The following KLF12 variants were observed in gnomAD, a reference collection of about 807,000 sequenced individuals.
KLF12 encodes the protein KLF transcription factor 12, also known as Krueppel-like factor 12.
A neutral mutation model predicts 37.8 loss-of-function variants in KLF12; 9 were observed. The observed-to-expected ratio is 0.24, with a 90% CI of 0.14 to 0.42. The LOEUF is 0.42. Ranked by LOEUF, KLF12 falls within the 10% of genes least tolerant of loss-of-function variation. The pLI, the probability that KLF12 is intolerant of heterozygous loss-of-function variation, is 1.00. For synonymous variants in KLF12, 208 were observed against 202.1 expected, an observed-to-expected ratio of 1.03 and a Z score of -0.25; for missense variants, 411 against 516.0, an observed-to-expected ratio of 0.80 and a Z score of 1.97.
intron 1 of KLF12, among the ~76,000 whole-genome samples, chr13:74,013,468 A>G (rs915937397): frequency 3.3e-5 from 5 of 152,168 alleles, no homozygotes; most frequent in African/African-American, 1.2e-4. Flanking sequence ...GACATGCATA[A>G]TCTCTGTTTC....
the KLF12 span, among the ~76,000 whole-genome samples, chr13:74,223,531 C>T: frequency 6.6e-6 from 1 of 152,180 alleles, no homozygotes; most frequent in South Asian, 2.1e-4. Flanking sequence ...ACATTCAGGG[C>T]TAAAGAGCTT....
chr13:73,944,442 T>C (rs1399448716), intron 2 of KLF12, among the ~76,000 whole-genome samples: 1 of 152,218 alleles, frequency 6.6e-6, no homozygotes, highest in African/African-American at 2.4e-5. Flanking sequence ...GGAAATTGCA[T>C]TGTGCAAAGA....
At chr13:74,289,662 G>A in the KLF12 span, among the ~76,000 whole-genome samples, 1 of 152,096 alleles carries the variant, frequency 6.6e-6, no homozygotes, top group Non-Finnish European at 1.5e-5. Context: ...TCCCCAAACA[G>A]GAAATGACCA....
intron 1 of KLF12, among the ~76,000 whole-genome samples, chr13:74,113,947 C>A (rs1249649468): frequency 2.0e-5 from 3 of 152,128 alleles, no homozygotes; most frequent in Non-Finnish European, 4.4e-5. Context: ...CTGATTCCAA[C>A]CCTCACGGAT....
chr13:74,140,950 G>GA, the KLF12 span, among the ~76,000 whole-genome samples: 147,639 of 152,034 alleles, frequency 0.97, 71,839 homozygotes, highest in South Asian at 1. Context: ...CAGCTACTCG[G>GA]GGGGTGGGGG....
At chr13:74,048,639 A>G (rs1893609196) in intron 1 of KLF12, among the ~76,000 whole-genome samples, 1 of 152,188 alleles carries the variant, frequency 6.6e-6, no homozygotes, top group Admixed American at 6.5e-5. Flanking sequence ...GGAATAGATA[A>G]GGAAATAAGT....
chr13:73,830,547 G>C (rs1884095714), intron 4 of KLF12, among the ~76,000 whole-genome samples: 1 of 152,152 alleles, frequency 6.6e-6, no homozygotes, highest in Non-Finnish European at 1.5e-5. Context: ...AAACTGTAAT[G>C]TTATAATGAT....
chr13:74,000,545 C>T (rs975073549), intron 1 of KLF12, among the ~76,000 whole-genome samples: 1 of 152,196 alleles, frequency 6.6e-6, no homozygotes, highest in Admixed American at 6.5e-5. Context: ...TGAAATTACG[C>T]TTCCACCCAA....
intron 3 of KLF12, among the ~76,000 whole-genome samples, chr13:73,877,510 G>A (rs913013532): frequency 6.6e-6 from 1 of 152,082 alleles, no homozygotes; most frequent in Non-Finnish European, 1.5e-5. Flanking sequence ...GAATTATAGT[G>A]AGTGACCACA....
At chr13:73,773,869 C>G (rs1201998365) in intron 5 of KLF12, among the ~76,000 whole-genome samples, 2 of 152,090 alleles carry the variant, frequency 1.3e-5, no homozygotes, top group African/African-American at 4.8e-5. Flanking sequence ...TTCACAGCCC[C>G]CCTTACCAGC....
chr13:73,848,449 A>T (rs1885143984), intron 3 of KLF12, among the ~76,000 whole-genome samples: 1 of 151,708 alleles, frequency 6.6e-6, no homozygotes, highest in Non-Finnish European at 1.5e-5. Flanking sequence ...GTATCTTCTT[A>T]ATCTCTTACT....
chr13:73,687,004 C>A lies in KLF12; in HGVS notation c.*8486G>T, dbSNP rs1873532179. On this transcript the variant is annotated 3_prime_UTR_variant, in exon 8 of 8. Coordinates refer to ENST00000377669, the MANE Select transcript of KLF12 (RefSeq NM_007249.5). ...AACATGACGTTAGAATTGACCCCCA[C>A]ACACCAAGAACAACGTCTAGACTAC... 1 of 152,482 alleles carries A rather than the reference C, an allele frequency of 6.6e-6. No individual in the cohort carries two copies. The allele number at this position is 152,482 out of a possible 1,614,324, so 9.4% of individuals were successfully genotyped here.
chr13:73,754,429 C>T (rs556812652), intron 6 of KLF12, among the ~76,000 whole-genome samples: 3 of 152,190 alleles, frequency 2.0e-5, no homozygotes, highest in East Asian at 1.9e-4. Flanking sequence ...CCTCTCATCA[C>T]GCAGGCCTCT....
the KLF12 span, among the ~76,000 whole-genome samples, chr13:74,177,396 C>G: frequency 6.6e-6 from 1 of 152,028 alleles, no homozygotes; most frequent in East Asian, 1.9e-4. Context: ...TTTTGCCAGC[C>G]CTGCGTAAAG....
the KLF12 span, among the ~76,000 whole-genome samples, chr13:74,208,868 T>C: frequency 6.6e-6 from 1 of 152,102 alleles, no homozygotes; most frequent in Non-Finnish European, 1.5e-5. Flanking sequence ...GGCAGAGCTT[T>C]ATTTTGCGTT....
the KLF12 span, among the ~76,000 whole-genome samples, chr13:74,170,923 C>T: frequency 6.6e-6 from 1 of 152,098 alleles, no homozygotes. Flanking sequence ...AGCCACCATG[C>T]CCGGCAAATT....
chr13:73,948,979 C>T (rs759227942), intron 2 of KLF12, among the ~76,000 whole-genome samples: 21 of 152,258 alleles, frequency 1.4e-4, no homozygotes, highest in Middle Eastern at 3.4e-3. Flanking sequence ...TTACTGTGAG[C>T]CAGATCATGT....
chr13:73,850,597 T>C (rs1005955851), intron 3 of KLF12, among the ~76,000 whole-genome samples: 1 of 152,226 alleles, frequency 6.6e-6, no homozygotes, highest in Non-Finnish European at 1.5e-5. Flanking sequence ...CAGGGATTTT[T>C]CTGTGTAGTC....
chr13:74,184,858 T>C, the KLF12 span, among the ~76,000 whole-genome samples: 2 of 152,178 alleles, frequency 1.3e-5, no homozygotes, highest in African/African-American at 2.4e-5. Flanking sequence ...ATCAGAAAAG[T>C]TTTATGTAGA....
Sources: allele counts gnomAD v4.1 joint callset (sites outside exome capture counted in the v4.1 genomes callset), GRCh38; gene constraint gnomAD v4.1.1; transcripts MANE v1.5; gene names NCBI Gene and HGNC (gene_info 2026-07-23, HGNC 2026-07-21).